Variants in TRERF1 observed in about 807,000 individuals in gnomAD.
The protein encoded by TRERF1 is transcriptional-regulating factor 1.
In TRERF1, 27 loss-of-function variants were observed where a neutral mutation model predicts 122.9. The ratio of observed to expected loss-of-function variants is 0.22; its 90% CI spans 0.16 to 0.30. The LOEUF is 0.30. Among genes scored for constraint, TRERF1 ranks in the 10% least tolerant of loss-of-function variants. TRERF1 has a pLI of 1.00. For synonymous variants in TRERF1, 636 were observed against 641.7 expected, an observed-to-expected ratio of 0.99 and a Z score of 0.13; for missense variants, 1,248 against 1,560.3, an observed-to-expected ratio of 0.80 and a Z score of 3.37.
In TRERF1 at chr6:42,288,291, G is replaced by A. The variant is rs200850815; in HGVS notation, c.-259+12347C>T. ...GAGCTATAAGATAGGGCCGAGGGCC[G>A]GGCACCGTGGCTTACTCCTGTAATC... On this transcript the variant is annotated intron_variant, in intron 4 of 17. Transcript: ENST00000372922. Among the ~76,000 whole-genome samples the A allele has an allele frequency of 5.3e-5, 8 of 152,114 alleles. No individual in the cohort carries two copies. The East Asian group carries it at 1.2e-3, about 22-fold the overall frequency.
At chr6:42,425,534 T>C (rs1312752114) in intron 2 of TRERF1, among the ~76,000 whole-genome samples, 2 of 99,150 alleles carry the variant, frequency 2.0e-5, no homozygotes, top group Non-Finnish European at 2.0e-5. Flanking sequence ...TGGGCATTTT[T>C]TTTTTTTTTT....
intron 16 of TRERF1, among the ~76,000 whole-genome samples, chr6:42,234,780 T>C (rs1771716966): frequency 6.6e-6 from 1 of 152,186 alleles, no homozygotes; most frequent in Non-Finnish European, 1.5e-5. Flanking sequence ...AAATATCTTT[T>C]CCCTTATGTA....
Position 42,342,575 on chromosome 6 carries a change from A to G in TRERF1, c.-371+20422T>C, listed in dbSNP as rs139777339. Among the ~76,000 whole-genome samples, 158 of 152,284 alleles carry G rather than the reference A, an allele frequency of 1.0e-3. 2 individuals are homozygous for G. The East Asian group carries it at 0.014, about 14-fold the overall frequency. On this transcript the variant is annotated intron_variant, in intron 3 of 17. Transcript: ENST00000372922. ...AATCACAGAAGCTCCAGGCTCAAAAAAAAAGAAAAGAAAAGAAAAGAAAAT... is the reference window on the plus strand; with the variant it reads ...AATCACAGAAGCTCCAGGCTCAAAAGAAAAGAAAAGAAAAGAAAAGAAAAT...
chr6:42,262,465 AGG>A (rs1778233595), intron 8 of TRERF1, among the ~76,000 whole-genome samples: 3 of 37,608 alleles, frequency 8.0e-5, no homozygotes, highest in Non-Finnish European at 1.0e-4. Flanking sequence ...AGAGAGAGAG[AGG>A]AGAGAGAGAG....
chr6:42,255,248 T>C (rs1165480649), intron 12 of TRERF1, among the ~76,000 whole-genome samples: 2 of 152,210 alleles, frequency 1.3e-5, no homozygotes, highest in Non-Finnish European at 2.9e-5. Context: ...GCTGAGTCTC[T>C]GGGCAAAGAT....
intron 4 of TRERF1, among the ~76,000 whole-genome samples, chr6:42,294,603 G>A (rs1276405695): frequency 1.3e-5 from 2 of 152,218 alleles, no homozygotes; most frequent in Non-Finnish European, 2.9e-5. Context: ...AGGGCAGCAC[G>A]TGAAGATTTG....
At chr6:42,451,444 C>A (rs1279180807) in intron 1 of TRERF1, among the ~76,000 whole-genome samples, 183 bp from the exon 2 acceptor site, 3 of 151,882 alleles carry the variant, frequency 2.0e-5, no homozygotes, top group Admixed American at 2.0e-4. Flanking sequence ...TGTGCTCCCC[C>A]ACCCAGGGTA....
At chr6:42,284,323 C>T (rs1782819795) in intron 4 of TRERF1, among the ~76,000 whole-genome samples, 1 of 151,560 alleles carries the variant, frequency 6.6e-6, no homozygotes, top group African/African-American at 2.4e-5. Context: ...GCCTTGGCCT[C>T]CCAAAGTGTT....
intron 2 of TRERF1, among the ~76,000 whole-genome samples, chr6:42,363,603 G>A (rs1772184710): frequency 6.6e-6 from 1 of 152,098 alleles, no homozygotes; most frequent in African/African-American, 2.4e-5. Context: ...CTCAGAATGT[G>A]GCATATTAGG....
chr6:42,406,736 C>T (rs1326506203), intron 2 of TRERF1, among the ~76,000 whole-genome samples: 1 of 152,054 alleles, frequency 6.6e-6, no homozygotes, highest in African/African-American at 2.4e-5. Context: ...CCTGGCCTTG[C>T]TGCCTTCTCA....
intron 4 of TRERF1, among the ~76,000 whole-genome samples, chr6:42,272,355 G>C (rs1239865863): frequency 1.3e-5 from 2 of 152,130 alleles, no homozygotes; most frequent in East Asian, 1.9e-4. Context: ...GCGAGCCGTG[G>C]GTGGAAGGGG....
At chr6:42,262,433 GCAGAGA>G (rs775172133) in intron 8 of TRERF1, among the ~76,000 whole-genome samples, 1 of 11,780 alleles carries the variant, frequency 8.5e-5, no homozygotes, top group African/African-American at 4.2e-4. Flanking sequence ...TTCCCTAGGG[GCAGAGA>G]GAGAGAGAGA....
intron 4 of TRERF1, among the ~76,000 whole-genome samples, chr6:42,288,090 C>T (rs1783588171): frequency 6.6e-6 from 1 of 152,066 alleles, no homozygotes; most frequent in South Asian, 2.1e-4. Context: ...CGAAGTCTTC[C>T]CTTCCCTGAT....
At chr6:42,349,080 G>A (rs998371247) in intron 3 of TRERF1, among the ~76,000 whole-genome samples, 35 of 152,184 alleles carry the variant, frequency 2.3e-4, no homozygotes, top group Admixed American at 4.6e-4. Flanking sequence ...ATAATGCACC[G>A]TGAGGATTTG....
intron 3 of TRERF1, among the ~76,000 whole-genome samples, chr6:42,331,077 G>A (rs1023878127): frequency 6.6e-6 from 1 of 152,166 alleles, no homozygotes; most frequent in Admixed American, 6.5e-5. Context: ...AATGGAATTC[G>A]ACAAAGCTCC....
chr6:42,349,528 C>T (rs1051691432), intron 3 of TRERF1, among the ~76,000 whole-genome samples: 7 of 152,026 alleles, frequency 4.6e-5, no homozygotes, highest in Non-Finnish European at 4.4e-5. Context: ...CCATAAGCTA[C>T]CCAGTGAACC....
intron 3 of TRERF1, among the ~76,000 whole-genome samples, chr6:42,334,355 T>C (rs1438311046): frequency 1.3e-5 from 2 of 152,202 alleles, no homozygotes; most frequent in African/African-American, 2.4e-5. Flanking sequence ...ATTACTACCC[T>C]GTTCCAAAGT....
At chr6:42,302,706 G>T (rs747249857) in intron 3 of TRERF1, among the ~76,000 whole-genome samples, 1 of 152,226 alleles carries the variant, frequency 6.6e-6, no homozygotes, top group Non-Finnish European at 1.5e-5. Context: ...AACTGTTTAT[G>T]TACAAATAAG....
At chr6:42,288,953 C>CTGTG (rs3074800) in intron 4 of TRERF1, among the ~76,000 whole-genome samples, 4,099 of 144,362 alleles carry the variant, frequency 0.028, 60 homozygotes, top group African/African-American at 0.04. Flanking sequence ...ATCTTGAACT[C>CTGTG]TGTGTGTGTG....
Sources: gnomAD v4.1 joint callset for allele counts (sites outside exome capture counted in the v4.1 genomes callset) on GRCh38, gnomAD v4.1.1 for gene constraint, MANE v1.5 for transcripts, NCBI Gene and HGNC (gene_info 2026-07-23, HGNC 2026-07-21) for gene names.